SLC44A2: variants seen among roughly 807,000 people sequenced by gnomAD.
SLC44A2 encodes solute carrier family 44 member 2 (CTL2 blood group).
SLC44A2 carries 57 observed loss-of-function variants against 90.8 expected under a neutral mutation model. That is an observed-to-expected ratio of 0.63 (90% CI 0.51 to 0.78). The LOEUF (loss-of-function observed/expected upper bound fraction) is 0.78. Ranked by LOEUF, SLC44A2 falls within the 30% of genes least tolerant of loss-of-function variation. SLC44A2 has a pLI of 0.00. For synonymous variants in SLC44A2, 355 were observed against 360.7 expected (o/e 0.98, Z 0.18); for missense variants, 794 against 919.7 (o/e 0.86, Z 1.77).
At chr19:10,620,095 G>A (rs1301391122) in intron 1 of SLC44A2, among the ~76,000 whole-genome samples, 5 of 152,126 alleles carry the variant, frequency 3.3e-5, no homozygotes, top group East Asian at 1.9e-4. Flanking sequence ...AGGATCACTC[G>A]AGCCCAGCAG....
At chr19:10,605,462 C>T (rs1245246633) in intron 1 of SLC44A2, among the ~76,000 whole-genome samples, 1 of 151,256 alleles carries the variant, frequency 6.6e-6, no homozygotes, top group East Asian at 2.0e-4. Context: ...TGCGGTGAGC[C>T]GAGTTTGTGC....
chr19:10,602,695 G>C lies in SLC44A2; in HGVS notation c.31+134G>C, dbSNP rs1599563072. 5.0e-6 allele frequency: 4 copies of C among 800,284 alleles called. No homozygotes were observed. In the East Asian group the frequency reaches 1.6e-4, roughly 31 times the overall value. The allele number at this position is 800,284 out of a possible 1,614,324, so 49.6% of individuals were successfully genotyped here. On this transcript the variant is annotated intron_variant, in intron 1 of 21. Coordinates refer to the SLC44A2 transcript ENST00000407327. ...CCTCCGCGCTCGGGCCCCCGCATCC[G>C]ACACTGCGCGGATCCCACGCCCCCT...
At chr19:10,623,996 G>A (rs900447460), upstream of SLC44A2, among the ~76,000 whole-genome samples, 4 of 133,172 alleles carry the variant, frequency 3.0e-5, no homozygotes, top group East Asian at 9.2e-4. Context: ...GCTAATTTTT[G>A]ATTTATTGAT....
chr19:10,607,806 C>A (rs55755628), intron 1 of SLC44A2, among the ~76,000 whole-genome samples: 9,572 of 147,364 alleles, frequency 0.065, 358 homozygotes, highest in Middle Eastern at 0.12. Context: ...AGTGCAGTGG[C>A]GTGATCTCGG....
intron 1 of SLC44A2, among the ~76,000 whole-genome samples, chr19:10,619,026 G>T (rs892343903): frequency 6.9e-6 from 1 of 144,804 alleles, no homozygotes. Context: ...GGGCAGTGGC[G>T]CAATCACAGC....
At chr19:10,604,007 CAG>C (rs1918032967) in intron 1 of SLC44A2, among the ~76,000 whole-genome samples, 1 of 152,212 alleles carries the variant, frequency 6.6e-6, no homozygotes. Flanking sequence ...ACACATGAGA[CAG>C]GGGACCCTGC....
chr19:10,602,769 C>A (rs1917997894), intron 1 of SLC44A2, among the ~76,000 whole-genome samples: 1 of 152,180 alleles, frequency 6.6e-6, no homozygotes, highest in East Asian at 1.9e-4. Context: ...CCCAGCTCCC[C>A]CTCCGGCTGA....
At chr19:10,620,727 G>A (rs956313977), upstream of SLC44A2, among the ~76,000 whole-genome samples, 14 of 152,048 alleles carry the variant, frequency 9.2e-5, no homozygotes, top group Non-Finnish European at 1.0e-4. Flanking sequence ...ATAAGCAAAT[G>A]TCTAACATGT....
chr19:10,633,162 T>A (rs947322059), intron 10 of SLC44A2, among the ~76,000 whole-genome samples: 1 of 151,712 alleles, frequency 6.6e-6, no homozygotes, highest in Non-Finnish European at 1.5e-5. Flanking sequence ...GTTTTTGAGT[T>A]GTTGTTTTGT....
upstream of SLC44A2, among the ~76,000 whole-genome samples, chr19:10,622,094 C>G (rs771832266): frequency 6.6e-6 from 1 of 152,180 alleles, no homozygotes; most frequent in African/African-American, 2.4e-5. Flanking sequence ...CTGAAGGCAA[C>G]GGAGCTGTAT....
rs780272539 is a variant in SLC44A2 at position 10,636,379 on chromosome 19, C to T, written c.1290C>T (p.Ala430=). 6.2e-6 allele frequency: 10 copies of T among 1,614,026 alleles called. No homozygotes were observed. Among genetic ancestry groups the T allele is most frequent in the South Asian group, 2.2e-5 (2 of 91,070 alleles). Residue 430 remains alanine (A), a synonymous_variant, in exon 15 of 22, where the codon GCC becomes GCT. Transcript: ENST00000335757. The part of the protein sequence containing the change: ...RQCPNARCQF[A]FYGGESGYHR... ...GCCCCAATGCCCGTTGCCAGTTCGC[C>T]TTCTACGGTGGTGAGTCGGGCTACC...
chr19:10,632,172 C>A lies in SLC44A2; in HGVS notation c.823+16C>A. ...CTGGGCTACGGTGCGTCACCCCCTCCCTGTGGCTTCTCTTTCCTGAATCCG... is the reference window on the plus strand; with the variant it reads ...CTGGGCTACGGTGCGTCACCCCCTCACTGTGGCTTCTCTTTCCTGAATCCG... On this transcript the variant is annotated intron_variant, in intron 10 of 21. Transcript: ENST00000335757. 6.3e-7 allele frequency: 1 copy of A among 1,599,434 alleles called. No individual in the cohort carries two copies. Among genetic ancestry groups the A allele is most frequent in the African/African-American group, 1.3e-5 (1 of 74,732 alleles).
Position 10,643,283 on chromosome 19 carries a change from G to A in SLC44A2, c.2019G>A (p.Glu673=). 1 of 1,610,648 alleles carries A rather than the reference G, an allele frequency of 6.2e-7. No homozygotes were observed. Among genetic ancestry groups the A allele is most frequent in the Non-Finnish European group, 8.5e-7 (1 of 1,178,206 alleles). ...CVDTLFLCFL[E]DLERNDGSAE... is the part of the protein sequence containing the mutation. Reference sequence around the variant, plus strand: ...CTCTGGGACCTCTCTCCACAGTGGAGGACCTGGAGAGGAATGACGGCTCGG... The same window carrying A: ...CTCTGGGACCTCTCTCCACAGTGGAAGACCTGGAGAGGAATGACGGCTCGG... Residue 673 remains glutamate, a synonymous_variant, in exon 22 of 22, where the codon GAG becomes GAA. Transcript: ENST00000335757.
At chr19:10,626,183 A>G in intron 1 of SLC44A2, 70 bp from the exon 2 acceptor site, 2 of 1,276,136 alleles carry the variant, frequency 1.6e-6, no homozygotes, top group Non-Finnish European at 2.3e-6. Flanking sequence ...GGCTTTTGGG[A>G]GGGGGCTCTC....
chr19:10,625,586 G>C lies in SLC44A2; in HGVS notation c.-48G>C. The C allele has an allele frequency of 8.1e-7, 1 of 1,238,558 alleles. No homozygotes were observed. The highest frequency in any genetic ancestry group is 1.6e-5 in the African/African-American group (1 of 64,492). The allele number at this position is 1,238,558 out of a possible 1,614,324, so 76.7% of individuals were successfully genotyped here. A position where few individuals can be genotyped will look rare whatever the true frequency, so the allele number is the denominator to read the frequency against. On this transcript the variant is annotated 5_prime_UTR_variant, in exon 1 of 22. Transcript: ENST00000335757. Reference sequence around the variant, plus strand: ...CCTCCAGACTCGGGAGGGTCGAGGGGGCGCGGGAGAGAGCGCGGGCGGCCG... The same window carrying C: ...CCTCCAGACTCGGGAGGGTCGAGGGCGCGCGGGAGAGAGCGCGGGCGGCCG...
chr19:10,622,322 T>C (rs1339986976), upstream of SLC44A2, among the ~76,000 whole-genome samples: 3 of 152,062 alleles, frequency 2.0e-5, no homozygotes, highest in Admixed American at 6.6e-5. Flanking sequence ...CTGGGCTTTT[T>C]CCTCGGAATG....
intron 20 of SLC44A2, chr19:10,641,255 A>G (rs771532407): frequency 3.3e-5 from 12 of 360,670 alleles, no homozygotes; most frequent in Non-Finnish European, 6.5e-5. Context: ...TTAGCTGGGT[A>G]TGCTGGAACA....
intron 20 of SLC44A2, chr19:10,641,366 C>T (rs1282671813): frequency 2.3e-6 from 1 of 443,486 alleles, no homozygotes; most frequent in Non-Finnish European, 4.5e-6. Flanking sequence ...TGCACTCTAG[C>T]CTGAGCAACA....
At chr19:10,608,878 T>C (rs1199761630) in intron 1 of SLC44A2, among the ~76,000 whole-genome samples, 6 of 151,386 alleles carry the variant, frequency 4.0e-5, no homozygotes, top group African/African-American at 1.5e-4. Flanking sequence ...CTGGAACTCC[T>C]GGGCTCAAGC....
Sources: gnomAD v4.1 joint callset for allele counts (sites outside exome capture counted in the v4.1 genomes callset) on GRCh38, gnomAD v4.1.1 for gene constraint, MANE v1.5 for transcripts, NCBI Gene and HGNC (gene_info 2026-07-23, HGNC 2026-07-21) for gene names.